Variants in ZNF385D observed in about 807,000 individuals in gnomAD.
ZNF385D encodes the protein zinc finger protein 385D.
Under a neutral mutation model 35.8 loss-of-function variants are expected in ZNF385D, and 15 were observed. The ratio of observed to expected loss-of-function variants is 0.42; its 90% confidence interval spans 0.28 to 0.64. The LOEUF (loss-of-function observed/expected upper bound fraction) is 0.64. Ranked by LOEUF, ZNF385D falls within the 30% of genes least tolerant of loss-of-function variation. The pLI is 0.23. For synonymous variants in ZNF385D, 212 were observed against 186.8 expected, an observed-to-expected ratio of 1.13 and a Z score of -1.10; for missense variants, 474 against 494.6, an observed-to-expected ratio of 0.96 and a Z score of 0.39.
intron 2 of ZNF385D, among the ~76,000 whole-genome samples, chr3:22,185,381 T>C (rs1234790246): frequency 6.6e-6 from 1 of 152,196 alleles, no homozygotes; most frequent in Non-Finnish European, 1.5e-5. Flanking sequence ...TAAACTACAA[T>C]TTTATGCGCA....
chr3:22,299,200 T>C (rs918884136), intron 2 of ZNF385D, among the ~76,000 whole-genome samples: 2 of 151,942 alleles, frequency 1.3e-5, no homozygotes, highest in Non-Finnish European at 2.9e-5. Flanking sequence ...TGGTTTGCTA[T>C]GGAAATGACT....
intron 3 of ZNF385D, among the ~76,000 whole-genome samples, chr3:21,789,097 T>C (rs1325585204): frequency 2.0e-5 from 3 of 152,050 alleles, no homozygotes; most frequent in Non-Finnish European, 4.4e-5. Context: ...TAAAAAGAAA[T>C]TGTTCAATAA....
intron 3 of ZNF385D, among the ~76,000 whole-genome samples, chr3:21,815,446 T>C (rs1559650594): frequency 1.3e-5 from 2 of 151,908 alleles, no homozygotes; most frequent in Admixed American, 1.3e-4. Context: ...GCAAGACTAA[T>C]AAAGAAGAAA....
chr3:22,206,631 G>C lies in ZNF385D; in HGVS notation c.107-37596C>G, dbSNP rs557682576. On this transcript the variant is annotated intron_variant, in intron 2 of 5. Transcript: ENST00000494108. ...AAATCAATAGCAAGCGGAAGTTTGAGAACTATACAAATGAGTGAAAATTAA... is the reference window on the plus strand; with the variant it reads ...AAATCAATAGCAAGCGGAAGTTTGACAACTATACAAATGAGTGAAAATTAA... 1.4e-4 allele frequency among the ~76,000 whole-genome samples: 22 copies of C among 151,898 alleles called. 1 individual carries two copies. In the South Asian group the frequency reaches 4.6e-3, roughly 32 times the overall value.
At position 21,882,652 on chromosome 3, in the gene ZNF385D, C is replaced by T. The variant is rs1411395140; in HGVS notation, c.326-217624G>A. Among the ~76,000 whole-genome samples, 4 of 151,946 alleles carry T rather than the reference C, an allele frequency of 2.6e-5. No individual in the cohort carries two copies. In the East Asian group the frequency reaches 7.7e-4, roughly 29 times the overall value. ...TTGTAAATCAAAATTTGCATTTTAA[C>T]AAGATCCCCTGATTCTCAGACATTA... On this transcript the variant is annotated intron_variant, in intron 3 of 5. Transcript: ENST00000494108.
intron 3 of ZNF385D, among the ~76,000 whole-genome samples, chr3:21,945,470 C>T (rs2125285045): frequency 6.6e-6 from 1 of 152,236 alleles, no homozygotes; most frequent in Admixed American, 6.5e-5. Flanking sequence ...ACTTCAACAA[C>T]TCACTGAAAA....
intron 3 of ZNF385D, among the ~76,000 whole-genome samples, chr3:22,040,350 C>A (rs1479998): frequency 6.6e-6 from 1 of 151,984 alleles, no homozygotes; most frequent in Admixed American, 6.6e-5. Flanking sequence ...TTGGTTATTA[C>A]GTCATTTTAT....
intron 2 of ZNF385D, among the ~76,000 whole-genome samples, chr3:22,281,132 T>C (rs1364737262): frequency 2.6e-5 from 4 of 152,068 alleles, no homozygotes; most frequent in Non-Finnish European, 5.9e-5. Context: ...CAGGAGCTTT[T>C]AGGATGAGTC....
At chr3:21,971,429 A>C in intron 3 of ZNF385D, among the ~76,000 whole-genome samples, 1 of 151,866 alleles carries the variant, frequency 6.6e-6, no homozygotes, top group East Asian at 1.9e-4. Context: ...ATGGGTTATA[A>C]GATATTACCT....
At chr3:21,887,270 T>C (rs1232459609) in intron 3 of ZNF385D, among the ~76,000 whole-genome samples, 2 of 152,222 alleles carry the variant, frequency 1.3e-5, no homozygotes, top group Non-Finnish European at 2.9e-5. Flanking sequence ...TTTCTAAGTA[T>C]GCCCCTTAAT....
intron 3 of ZNF385D, among the ~76,000 whole-genome samples, chr3:22,139,656 C>A (rs914519206): frequency 1.3e-5 from 2 of 151,918 alleles, no homozygotes; most frequent in Non-Finnish European, 2.9e-5. Flanking sequence ...AGGTGATATA[C>A]CTAATGTTAA....
At chr3:22,329,128 T>C (rs1367348585) in intron 2 of ZNF385D, among the ~76,000 whole-genome samples, 1 of 151,454 alleles carries the variant, frequency 6.6e-6, no homozygotes, top group Non-Finnish European at 1.5e-5. Flanking sequence ...TATCACTTTC[T>C]AGGCTCACTG....
chr3:21,856,208 G>A (rs562261307), intron 3 of ZNF385D, among the ~76,000 whole-genome samples: 1 of 152,036 alleles, frequency 6.6e-6, no homozygotes, highest in South Asian at 2.1e-4. Context: ...CTACTTCCTT[G>A]ATCACCGGTC....
intron 3 of ZNF385D, among the ~76,000 whole-genome samples, chr3:21,963,665 T>C (rs1339637758): frequency 1.3e-5 from 2 of 152,208 alleles, no homozygotes; most frequent in Non-Finnish European, 2.9e-5. Flanking sequence ...ACAATGAATA[T>C]ACAAGACATC....
intron 1 of ZNF385D, among the ~76,000 whole-genome samples, chr3:21,685,967 A>C (rs963093668): frequency 6.6e-6 from 1 of 152,232 alleles, no homozygotes; most frequent in African/African-American, 2.4e-5. Context: ...AAAGAGAACA[A>C]TGGTGAAAAC....
chr3:21,848,874 T>C (rs1372532619), intron 3 of ZNF385D, among the ~76,000 whole-genome samples: 1 of 152,066 alleles, frequency 6.6e-6, no homozygotes, highest in African/African-American at 2.4e-5. Flanking sequence ...AGACATCACA[T>C]GTATTTGTTG....
intron 2 of ZNF385D, among the ~76,000 whole-genome samples, chr3:22,218,727 T>A (rs139889604): frequency 6.6e-6 from 1 of 152,140 alleles, no homozygotes; most frequent in Admixed American, 6.6e-5. Flanking sequence ...TATTATTAAT[T>A]GTCTTTCTCC....
chr3:21,490,416 C>T (rs6793355), intron 4 of ZNF385D, among the ~76,000 whole-genome samples: 24 of 152,280 alleles, frequency 1.6e-4, no homozygotes, highest in African/African-American at 5.1e-4. Context: ...TCCCACCTCA[C>T]GTGCTCTTCT....
At chr3:21,971,380 T>C (rs1159607254) in intron 3 of ZNF385D, among the ~76,000 whole-genome samples, 2 of 152,038 alleles carry the variant, frequency 1.3e-5, no homozygotes, top group African/African-American at 4.8e-5. Context: ...TTTTTGTTTG[T>C]TTATGCAATA....
Sources: gnomAD v4.1 joint callset for allele counts (sites outside exome capture counted in the v4.1 genomes callset) on GRCh38, gnomAD v4.1.1 for gene constraint, MANE v1.5 for transcripts, NCBI Gene and HGNC (gene_info 2026-07-23, HGNC 2026-07-21) for gene names.